Variants in DDC observed in about 807,000 individuals in gnomAD.
The protein encoded by DDC is dopa decarboxylase.
In DDC, 43 loss-of-function variants were observed where a neutral mutation model predicts 60.0. The ratio of observed to expected loss-of-function variants is 0.72; its 90% CI spans 0.56 to 0.92. DDC has a LOEUF of 0.92. Ranked by LOEUF, DDC falls within the 40% of genes least tolerant of loss-of-function variation. DDC has a pLI of 0.00. For missense variants in DDC, 573 were observed against 620.2 expected (o/e 0.92, Z 0.81); for synonymous variants, 232 against 234.6 (o/e 0.99, Z 0.10).
chr7:50,524,131 A>G (rs1374490252), intron 6 of DDC, among the ~76,000 whole-genome samples: 1 of 152,244 alleles, frequency 6.6e-6, no homozygotes, highest in Non-Finnish European at 1.5e-5. Flanking sequence ...GACAGCCAAA[A>G]AGATTAGTGG....
At chr7:50,555,549 G>A (rs1056088731) in intron 1 of DDC, among the ~76,000 whole-genome samples, 9 of 151,838 alleles carry the variant, frequency 5.9e-5, no homozygotes, top group African/African-American at 2.2e-4. Flanking sequence ...ACACACATAC[G>A]CACACACACT....
rs553968310 is a variant in DDC at position 50,483,412 on chromosome 7, C to A, written c.945-3549G>T. On this transcript the variant is annotated intron_variant, in intron 9 of 14. Transcript: ENST00000444124. ...TTGGATTTTATTTGCTAATGTTTGA[C>A]ATAGAATTTTTACATTTAAGTTTGT... 3.9e-5 allele frequency among the ~76,000 whole-genome samples: 6 copies of A among 152,124 alleles called. No individual in the cohort carries two copies. In the South Asian group the frequency reaches 1.2e-3, roughly 32 times the overall value.
rs532386298 is a variant in DDC at position 50,528,992 on chromosome 7, C to T, written c.570+216G>A. Among the ~76,000 whole-genome samples the T allele has an allele frequency of 2.0e-5, 3 of 152,288 alleles. No individual in the cohort carries two copies. The South Asian group carries it at 6.2e-4, about 32-fold the overall frequency. On this transcript the variant is annotated intron_variant, in intron 5 of 14. Transcript: ENST00000444124. ...GTAGAAAAGGTGACAGAGCCAGTCG[C>T]GGTGATGTCTCCACACATTTATTTC...
chr7:50,511,074 C>G (rs1286525852), intron 6 of DDC, among the ~76,000 whole-genome samples: 2 of 149,036 alleles, frequency 1.3e-5, no homozygotes, highest in Non-Finnish European at 3.0e-5. Context: ...CACACACACA[C>G]ACACACACAC....
chr7:50,559,368 G>A (rs1200042348), intron 1 of DDC, among the ~76,000 whole-genome samples: 2 of 151,810 alleles, frequency 1.3e-5, no homozygotes, highest in African/African-American at 4.8e-5. Context: ...TGGGCTCCCT[G>A]AATGTCTTCC....
intron 9 of DDC, among the ~76,000 whole-genome samples, chr7:50,483,372 T>C (rs1405858252): frequency 6.6e-6 from 1 of 152,212 alleles, no homozygotes; most frequent in Non-Finnish European, 1.5e-5. Context: ...GTATACTATA[T>C]TTTTTAAAAT....
intron 5 of DDC, among the ~76,000 whole-genome samples, chr7:50,528,961 G>A (rs563665210): frequency 1.2e-4 from 19 of 152,172 alleles, no homozygotes; most frequent in Non-Finnish European, 2.2e-4. Context: ...ACAGAAGTCC[G>A]CACTGGTAGA....
intron 1 of DDC, among the ~76,000 whole-genome samples, chr7:50,548,111 A>G (rs2044866221): frequency 1.3e-5 from 2 of 152,208 alleles, no homozygotes; most frequent in African/African-American, 4.8e-5. Context: ...GGTCAACTTA[A>G]TAAATTTGTG....
chr7:50,535,807 T>C (rs983635826), intron 4 of DDC, among the ~76,000 whole-genome samples: 4 of 152,184 alleles, frequency 2.6e-5, no homozygotes, highest in East Asian at 1.9e-4. Flanking sequence ...AGGGAAAAGG[T>C]GACTTTGCTG....
chr7:50,476,746 A>C, intron 10 of DDC, 103 bp from the exon 11 acceptor site: 1 of 1,130,070 alleles, frequency 8.8e-7, no homozygotes, highest in South Asian at 1.3e-5. Flanking sequence ...GTGTCTTCTA[A>C]GCCAGAAATA....
rs138099353 is a variant in DDC, at chr7:50,530,589, T to C, written c.436-1247A>G. 1.5e-3 allele frequency among the ~76,000 whole-genome samples: 224 copies of C among 152,282 alleles called. 1 individual carries two copies. The highest frequency in any genetic ancestry group is 5.1e-3 in the African/African-American group (210 of 41,556). ...TCATCTTCAGGTGGGGAAACAGATG[T>C]GCAGAGAGGTTCACTAACTTGCCCC... On this transcript the variant is annotated intron_variant, in intron 4 of 14. Coordinates refer to ENST00000444124, the MANE Select transcript of DDC (RefSeq NM_001082971.2).
At chr7:50,513,265 C>G (rs2043634429) in intron 6 of DDC, among the ~76,000 whole-genome samples, 1 of 152,220 alleles carries the variant, frequency 6.6e-6, no homozygotes, top group African/African-American at 2.4e-5. Context: ...TTACCTGGAT[C>G]TGAGTCAATT....
Position 50,543,944 on chromosome 7 carries a change from G to A in DDC, c.142C>T (p.Gln48Ter). ...LRPLIPAAAP[Q>*]EPDTFEDIIN... Reference sequence around the variant, plus strand: ...ATGTCCTCAAACGTGTCTGGCTCCTGAGGGGCAGCGGCAGGGATCAGCGGC... The same window carrying A: ...ATGTCCTCAAACGTGTCTGGCTCCTAAGGGGCAGCGGCAGGGATCAGCGGC... Residue 48 changes from glutamine to a stop codon, truncating the protein, a stop_gained, in exon 2 of 15, where the codon CAG becomes TAG. Transcript: ENST00000444124. LOFTEE classifies it high-confidence loss of function. The A allele has an allele frequency of 6.2e-7, 1 of 1,614,182 alleles. No homozygotes were observed. Among genetic ancestry groups the A allele is most frequent in the Non-Finnish European group, 8.5e-7 (1 of 1,180,038 alleles).
intron 14 of DDC, 56 bp from the exon 15 acceptor site, chr7:50,458,899 T>A (rs2042181513): frequency 6.7e-6 from 1 of 149,196 alleles, no homozygotes; most frequent in African/African-American, 2.5e-5. Flanking sequence ...AATAAAGAAG[T>A]CCCTCTCCCT....
At chr7:50,503,965 C>G in intron 7 of DDC, 28 bp downstream of exon 7, 1 of 1,569,498 alleles carries the variant, frequency 6.4e-7, no homozygotes, top group Non-Finnish European at 8.8e-7. Context: ...GAACATTTTC[C>G]AAAAAGAAAA....
Position 50,496,877 on chromosome 7 carries a change from C to T in DDC, c.877-1460G>A, listed in dbSNP as rs1229606313. ...GGGACCTGGGGGGCGTCCTGGGAGG[C>T]ATTTGGTTGGTGGATGACAACTTTC... On this transcript the variant is annotated intron_variant, in intron 8 of 14. Coordinates refer to ENST00000444124, the MANE Select transcript of DDC (RefSeq NM_001082971.2). 2.0e-5 allele frequency among the ~76,000 whole-genome samples: 3 copies of T among 152,190 alleles called. 1 individual carries two copies. The South Asian group carries it at 6.2e-4, about 31-fold the overall frequency.
chr7:50,538,086 C>T, intron 3 of DDC, 107 bp from the exon 4 acceptor site: 3 of 1,359,258 alleles, frequency 2.2e-6, no homozygotes, highest in Non-Finnish European at 3.1e-6. Context: ...AGATTAAAAT[C>T]ACCCAATCTC....
intron 9 of DDC, among the ~76,000 whole-genome samples, chr7:50,485,767 G>A (rs1301519089): frequency 6.6e-6 from 1 of 152,132 alleles, no homozygotes; most frequent in Non-Finnish European, 1.5e-5. Flanking sequence ...TATCTGGACA[G>A]TGTGAAAAAG....
intron 12 of DDC, among the ~76,000 whole-genome samples, chr7:50,467,887 C>G (rs887771770): frequency 6.6e-6 from 1 of 152,240 alleles, no homozygotes; most frequent in Admixed American, 6.5e-5. Context: ...TCCTCCTCCG[C>G]GTTTGCCACC....
Sources: gnomAD v4.1 joint callset for allele counts (sites outside exome capture counted in the v4.1 genomes callset) on GRCh38, gnomAD v4.1.1 for gene constraint, MANE v1.5 for transcripts, NCBI Gene and HGNC (gene_info 2026-07-23, HGNC 2026-07-21) for gene names.